SLC44A5: variants seen among roughly 807,000 people sequenced by gnomAD.
SLC44A5 encodes the protein solute carrier family 44 member 5.
In SLC44A5, 57 loss-of-function variants were observed where a neutral mutation model predicts 101.8. That is an observed-to-expected ratio of 0.56 (90% CI 0.45 to 0.70). The LOEUF (loss-of-function observed/expected upper bound fraction) is 0.70, where lower values mean the gene tolerates loss of function less well. Among genes scored for constraint, SLC44A5 ranks in the 30% least tolerant of loss-of-function variants. SLC44A5 has a pLI of 0.00. For synonymous variants in SLC44A5, 281 were observed against 290.9 expected, an observed-to-expected ratio of 0.97 and a Z score of 0.35; for missense variants, 737 against 853.1, an observed-to-expected ratio of 0.86 and a Z score of 1.70.
chr1:75,298,962 C>T (rs1475089202), intron 5 of SLC44A5, among the ~76,000 whole-genome samples: 2 of 152,180 alleles, frequency 1.3e-5, no homozygotes, highest in Non-Finnish European at 2.9e-5. Context: ...GAGTAAGTAA[C>T]CCAAGACCAT....
intron 6 of SLC44A5, among the ~76,000 whole-genome samples, chr1:75,254,097 G>C (rs1649811554): frequency 6.6e-6 from 1 of 151,742 alleles, no homozygotes; most frequent in Admixed American, 6.6e-5. Context: ...GGAGTGCAGT[G>C]GCGCAATCTC....
At position 75,203,248 on chromosome 1, in the gene SLC44A5, C is replaced by G. The variant is rs1346263575; in HGVS notation, c.*479G>C. 1.3e-5 allele frequency: 2 copies of G among 152,198 alleles called. No homozygotes were observed. Among genetic ancestry groups the G allele is most frequent in the East Asian group, 3.9e-4 (2 of 5,188 alleles). 9.4% of individuals were successfully genotyped at this position (152,198 alleles called of 1,614,324 possible). A position where few individuals can be genotyped will look rare whatever the true frequency, so the allele number is the denominator to read the frequency against. ...ATTCTATACTTAAAGAGAGCAAACT[C>G]TCAACTGGGGCAGTCCTTTCACTGA... On this transcript the variant is annotated 3_prime_UTR_variant, in exon 24 of 24. Coordinates refer to ENST00000370859, the MANE Select transcript of SLC44A5 (RefSeq NM_001130058.2).
chr1:75,603,529 C>G (rs1675123162), intron 1 of SLC44A5, among the ~76,000 whole-genome samples: 3 of 151,944 alleles, frequency 2.0e-5, no homozygotes, highest in Admixed American at 6.6e-5. Flanking sequence ...AGTGGTAGTT[C>G]TGTTTTAAGC....
At chr1:75,369,291 T>G (rs753860833) in intron 3 of SLC44A5, among the ~76,000 whole-genome samples, 25 of 152,166 alleles carry the variant, frequency 1.6e-4, no homozygotes, top group Admixed American at 3.3e-4. Context: ...GTGCTGGGAT[T>G]ACAGGTGTGA....
In SLC44A5 at chr1:75,222,132, C is replaced by T. The variant is rs545349654; in HGVS notation, c.1085+229G>A. On this transcript the variant is annotated intron_variant, in intron 14 of 23. Transcript: ENST00000370859. ...CCACCACGCCCGGCTAATTTTGTAT[C>T]TTTAGTAGAGACGGGGTTTCTCCAT... Among the ~76,000 whole-genome samples, 9 of 151,926 alleles carry T rather than the reference C, an allele frequency of 5.9e-5. No homozygotes were observed. The South Asian group carries it at 1.9e-3, about 32-fold the overall frequency.
At chr1:75,212,276 A>G (rs1230903059) in intron 22 of SLC44A5, among the ~76,000 whole-genome samples, 2 of 151,992 alleles carry the variant, frequency 1.3e-5, no homozygotes, top group Non-Finnish European at 2.9e-5. Flanking sequence ...TTGTGTACAG[A>G]TTATTTCATC....
At chr1:75,440,753 C>A (rs1665149221) in intron 2 of SLC44A5, among the ~76,000 whole-genome samples, 1 of 151,958 alleles carries the variant, frequency 6.6e-6, no homozygotes, top group Non-Finnish European at 1.5e-5. Flanking sequence ...AAGGAAAACT[C>A]TTTCAAGAAT....
chr1:75,649,446 A>G, the SLC44A5 span, among the ~76,000 whole-genome samples: 1 of 152,180 alleles, frequency 6.6e-6, no homozygotes, highest in East Asian at 1.9e-4. Flanking sequence ...GAAAGGTGTT[A>G]AAAGTGTTGG....
In SLC44A5 at chr1:75,537,068, T is replaced by C. The variant is rs576430718; in HGVS notation, c.13+4367A>G. Among the ~76,000 whole-genome samples, 9 of 138,890 alleles carry C rather than the reference T, an allele frequency of 6.5e-5. No homozygotes were observed. In the East Asian group the frequency reaches 1.2e-3, roughly 19 times the overall value. The allele number at this position is 138,890 out of a possible 152,430, so 91.1% of individuals were successfully genotyped here. On this transcript the variant is annotated intron_variant, in intron 2 of 23. Transcript: ENST00000370859. The stretch of plus-strand genomic sequence containing the variant: ...TATGCCAAATGATTCTGAATATGTA[T>C]ATAGCTTAAAAACTTAAGTAACATG...
chr1:75,589,304 C>T (rs1421528909), intron 1 of SLC44A5, among the ~76,000 whole-genome samples: 1 of 152,190 alleles, frequency 6.6e-6, no homozygotes, highest in Non-Finnish European at 1.5e-5. Context: ...GTAAGTTTAA[C>T]TTCCCTGATC....
intron 2 of SLC44A5, among the ~76,000 whole-genome samples, chr1:75,537,031 A>ATATAT (rs1372222209): frequency 1.3e-4 from 2 of 15,760 alleles, no homozygotes; most frequent in Non-Finnish European, 4.2e-4. Flanking sequence ...AAAAAAAAAA[A>ATATAT]AAATATATAT....
intron 4 of SLC44A5, among the ~76,000 whole-genome samples, chr1:75,338,318 T>C (rs1398467537): frequency 6.6e-6 from 1 of 152,110 alleles, no homozygotes; most frequent in East Asian, 1.9e-4. Flanking sequence ...ACAGGAGATC[T>C]CACCTCTTTT....
At chr1:75,678,127 A>C in the SLC44A5 span, among the ~76,000 whole-genome samples, 1 of 152,094 alleles carries the variant, frequency 6.6e-6, no homozygotes, top group African/African-American at 2.4e-5. Context: ...ACGGAGTCTC[A>C]CTGATTGCTA....
At chr1:75,610,369 C>T (rs2102182977) in intron 1 of SLC44A5, among the ~76,000 whole-genome samples, 1 of 152,152 alleles carries the variant, frequency 6.6e-6, no homozygotes, top group South Asian at 2.1e-4. Flanking sequence ...TGCAGTTATA[C>T]TTATGTATCT....
intron 2 of SLC44A5, among the ~76,000 whole-genome samples, chr1:75,505,148 T>G (rs1183820149): frequency 6.6e-6 from 1 of 152,192 alleles, no homozygotes; most frequent in Non-Finnish European, 1.5e-5. Flanking sequence ...GCTGCACCCA[T>G]GTTGCTGCAA....
At chr1:75,541,312 A>T (rs886167863) in intron 2 of SLC44A5, 123 bp downstream of exon 2, 8 of 721,650 alleles carry the variant, frequency 1.1e-5, no homozygotes, top group Non-Finnish European at 1.9e-5. Context: ...TTCCAGGTGC[A>T]GCTTCCAGTG....
chr1:75,682,375 C>G, the SLC44A5 span, among the ~76,000 whole-genome samples: 4 of 151,824 alleles, frequency 2.6e-5, no homozygotes, highest in Admixed American at 6.6e-5. Flanking sequence ...CTACAGTAAC[C>G]AAAACAGCAT....
chr1:75,303,772 T>C (rs927258640), intron 4 of SLC44A5, among the ~76,000 whole-genome samples: 25 of 152,222 alleles, frequency 1.6e-4, no homozygotes, highest in African/African-American at 5.8e-4. Context: ...TGTTTGGAGA[T>C]TCTATTCTGG....
intron 2 of SLC44A5, among the ~76,000 whole-genome samples, chr1:75,488,434 C>G (rs1396227445): frequency 6.6e-6 from 1 of 152,152 alleles, no homozygotes; most frequent in East Asian, 1.9e-4. Flanking sequence ...AAAGTAAAAA[C>G]AACGTAGTAT....
Sources: gnomAD v4.1 joint callset for allele counts (sites outside exome capture counted in the v4.1 genomes callset) on GRCh38, gnomAD v4.1.1 for gene constraint, MANE v1.5 for transcripts, NCBI Gene and HGNC (gene_info 2026-07-23, HGNC 2026-07-21) for gene names.